Variants in SYNE1 observed in about 807,000 individuals in gnomAD.
SYNE1 encodes spectrin repeat containing nuclear envelope protein 1.
Under a neutral mutation model 1,111.0 loss-of-function variants are expected in SYNE1, and 616 were observed. That is an observed-to-expected ratio of 0.55 (90% CI 0.52 to 0.59). SYNE1 has a LOEUF of 0.59. Among genes scored for constraint, SYNE1 ranks in the 20% least tolerant of loss-of-function variants. The pLI is 0.00. For synonymous variants in SYNE1, 3,855 were observed against 3,825.8 expected (o/e 1.01, Z -0.28); for missense variants, 10,006 against 10,417.0 (o/e 0.96, Z 1.72).
intron 93 of SYNE1, among the ~76,000 whole-genome samples, 177 bp from the exon 94 acceptor site, chr6:152,294,304 G>A (rs2094760426): frequency 6.6e-6 from 1 of 152,110 alleles, no homozygotes; most frequent in African/African-American, 2.4e-5. Context: ...CTGTATCAAA[G>A]CACACTGTAA....
chr6:152,145,187 GCTGATGA>G, intron 137 of SYNE1: 1 of 416,496 alleles, frequency 2.4e-6, no homozygotes, highest in Non-Finnish European at 4.5e-6. Flanking sequence ...GGGCGCAGAG[GCTGATGA>G]CTGGGTTTTC....
intron 140 of SYNE1, 53 bp downstream of exon 140, chr6:152,139,897 T>C: frequency 6.3e-7 from 1 of 1,586,808 alleles, no homozygotes; most frequent in East Asian, 2.2e-5. Flanking sequence ...TGCACGGTCG[T>C]TCACGCGGTG....
At chr6:152,355,368 GT>G (rs2096818719) in intron 66 of SYNE1, among the ~76,000 whole-genome samples, 1 of 152,194 alleles carries the variant, frequency 6.6e-6, no homozygotes, top group Non-Finnish European at 1.5e-5. Flanking sequence ...GAATAGCTCA[GT>G]GCTACATTTG....
intron 26 of SYNE1, 87 bp from the exon 27 acceptor site, chr6:152,450,920 C>T: frequency 1.3e-6 from 2 of 1,594,156 alleles, no homozygotes; most frequent in African/African-American, 1.3e-5. Flanking sequence ...GGAAGATTCC[C>T]ACGCAGACTA....
intron 84 of SYNE1, among the ~76,000 whole-genome samples, chr6:152,320,979 CT>C (rs1413630028): frequency 2.7e-5 from 4 of 150,508 alleles, no homozygotes; most frequent in Middle Eastern, 3.2e-3. Context: ...ACATATCTTA[CT>C]TTTTGTTTCT....
chr6:152,366,427 C>A (rs186996386), intron 62 of SYNE1, among the ~76,000 whole-genome samples: 151 of 152,110 alleles, frequency 9.9e-4, no homozygotes, highest in African/African-American at 3.5e-3. Flanking sequence ...TTTGGGAGGC[C>A]AAGGCAAGAA....
At chr6:152,598,217 C>T (rs919579564) in intron 3 of SYNE1, among the ~76,000 whole-genome samples, 48 of 152,036 alleles carry the variant, frequency 3.2e-4, no homozygotes, top group Admixed American at 2.3e-3. Flanking sequence ...GCCTTTCCTG[C>T]GCTATTCTCA....
At chr6:152,503,010 A>G (rs1025146085) in intron 9 of SYNE1, among the ~76,000 whole-genome samples, 15 of 152,212 alleles carry the variant, frequency 9.9e-5, no homozygotes, top group Non-Finnish European at 1.6e-4. Context: ...GACATACAGT[A>G]TCTCATGAGA....
At chr6:152,501,227 GAATAC>G (rs1435794802) in intron 10 of SYNE1, among the ~76,000 whole-genome samples, 3 of 151,920 alleles carry the variant, frequency 2.0e-5, no homozygotes, top group Non-Finnish European at 4.4e-5. Flanking sequence ...ATTAAAAATA[GAATAC>G]AATACTACTT....
intron 20 of SYNE1, chr6:152,462,520 C>T: frequency 1.6e-6 from 1 of 606,466 alleles, no homozygotes; most frequent in African/African-American, 1.9e-5. Context: ...AAAAAATCTC[C>T]AAACTGAGAA....
At chr6:152,537,876 G>C (rs969776287) in intron 4 of SYNE1, among the ~76,000 whole-genome samples, 2 of 152,104 alleles carry the variant, frequency 1.3e-5, no homozygotes, top group South Asian at 4.1e-4. Context: ...AAACATCCCA[G>C]CTCTTAAACC....
rs1165250747 is a variant in SYNE1 at position 152,540,024 on chromosome 6, A to G, written c.68-3T>C. 6.2e-7 allele frequency: 1 copy of G among 1,613,444 alleles called. No individual in the cohort carries two copies. The highest frequency in any genetic ancestry group is 8.5e-7 in the Non-Finnish European group (1 of 1,179,616). On this transcript the variant is annotated splice_region_variant and splice_polypyrimidine_tract_variant and intron_variant, in intron 3 of 145. Transcript: ENST00000367255. Reference sequence around the variant, plus strand: ...TTTTTGTACTATCTCTTGCTCATCTAGAAGGAAAAAGAAATCTGGTTAAAT... The same window carrying G: ...TTTTTGTACTATCTCTTGCTCATCTGGAAGGAAAAAGAAATCTGGTTAAAT...
At position 152,427,770 on chromosome 6, in the gene SYNE1, C is replaced by T; in HGVS notation, c.5023G>A (p.Glu1675Lys). ...SSFLTWLERG[E>K]AKASSPEMDI... ...ATTTCTGGGGAACTGGCTTTAGCTT[C>T]ACCCCGCTCTAACCAGGTCAAAAAG... is the stretch of plus-strand genomic sequence containing the variant. Residue 1675 changes from glutamate to lysine, a missense_variant, in exon 38 of 146, where the codon GAA becomes AAA. By Grantham distance (56) the Glu-to-Lys change is moderately conservative. Around this residue, in one of 7 missense-constraint regions of SYNE1, gnomAD observed 1,971 missense variants for 2,084.1 expected, o/e 0.95. Coordinates refer to ENST00000367255, the MANE Select transcript of SYNE1 (RefSeq NM_182961.4). 1.2e-6 allele frequency: 2 copies of T among 1,614,116 alleles called. No homozygotes were observed. Among genetic ancestry groups the T allele is most frequent in the Non-Finnish European group, 8.5e-7 (1 of 1,180,026 alleles).
In SYNE1 at chr6:152,447,509, C is replaced by T. The variant is rs1289194182; in HGVS notation, c.3618G>A (p.Glu1206=). The T allele has an allele frequency of 6.2e-7, 1 of 1,614,102 alleles. No homozygotes were observed. The highest frequency in any genetic ancestry group is 8.5e-7 in the Non-Finnish European group (1 of 1,180,048). ...TGAAAGAGCTGGATAATTTTGCCAG[C>T]TCATCTCCCTGCTTTTGGGCTTCAT... ...SENEAQKQGD[E]LAKLSSSFKA... is the part of the protein sequence containing the mutation. The change falls in exon 29 of 146, where the codon GAG becomes GAA. Residue 1206 remains glutamate (E), a synonymous_variant. Coordinates refer to ENST00000367255, the MANE Select transcript of SYNE1 (RefSeq NM_182961.4).
At chr6:152,494,830 T>G (rs895105678) in intron 11 of SYNE1, among the ~76,000 whole-genome samples, 1 of 152,200 alleles carries the variant, frequency 6.6e-6, no homozygotes, top group Non-Finnish European at 1.5e-5. Flanking sequence ...CAGACCCCAT[T>G]GCTCAAGGCA....
At chr6:152,208,273 A>T (rs1184532316) in intron 124 of SYNE1, 67 bp from the exon 125 acceptor site, 1 of 1,399,076 alleles carries the variant, frequency 7.1e-7, no homozygotes. Context: ...CAATCAGCCA[A>T]TGTATACACT....
chr6:152,501,643 G>A (rs1246953412), intron 10 of SYNE1, among the ~76,000 whole-genome samples: 2 of 151,952 alleles, frequency 1.3e-5, no homozygotes, highest in South Asian at 4.1e-4. Flanking sequence ...GCTGAGGCAG[G>A]AGAATTGTTT....
intron 128 of SYNE1, among the ~76,000 whole-genome samples, chr6:152,181,963 T>C (rs2068205114): frequency 6.6e-6 from 1 of 152,192 alleles, no homozygotes; most frequent in Non-Finnish European, 1.5e-5. Context: ...GGATGTGAAG[T>C]GGTATCTGAT....
intron 24 of SYNE1, among the ~76,000 whole-genome samples, chr6:152,455,217 G>A (rs999390293): frequency 2.0e-5 from 3 of 152,206 alleles, no homozygotes; most frequent in Non-Finnish European, 4.4e-5. Flanking sequence ...TGGGGACTTA[G>A]GAATGGCCAA....
Sources: gnomAD v4.1 joint callset for allele counts (sites outside exome capture counted in the v4.1 genomes callset) on GRCh38, gnomAD v4.1.1 for gene constraint, gnomAD v4.1.1 regional missense constraint, MANE v1.5 for transcripts, NCBI Gene and HGNC (gene_info 2026-07-23, HGNC 2026-07-21) for gene names.